BAZ1A: variants seen among roughly 807,000 people sequenced by gnomAD.
BAZ1A encodes bromodomain adjacent to zinc finger domain protein 1A.
In BAZ1A, 50 loss-of-function variants were observed where a neutral mutation model predicts 185.2. That is an observed-to-expected ratio of 0.27 (90% CI 0.22 to 0.34). BAZ1A has a LOEUF of 0.34. Ranked by LOEUF, BAZ1A falls within the 10% of genes least tolerant of loss-of-function variation. The pLI is 1.00. For synonymous variants in BAZ1A, 571 were observed against 615.6 expected (o/e 0.93, Z 1.07); for missense variants, 1,356 against 1,839.9 (o/e 0.74, Z 4.81).
At chr14:34,778,865 A>T (rs1004849495) in intron 17 of BAZ1A, among the ~76,000 whole-genome samples, 1 of 151,886 alleles carries the variant, frequency 6.6e-6, no homozygotes, top group African/African-American at 2.4e-5. Flanking sequence ...TTTTTATTTT[A>T]TTTTTTTGAG....
rs1880944377 is a variant in BAZ1A at position 34,792,911 on chromosome 14, C to T, written c.1374G>A (p.Glu458=). 6.2e-7 allele frequency: 1 copy of T among 1,605,462 alleles called. No homozygotes were observed. The highest frequency in any genetic ancestry group is 2.2e-5 in the East Asian group (1 of 44,784). Residue 458 remains glutamate, a synonymous_variant, in exon 12 of 27, where the codon GAG becomes GAA. Coordinates refer to ENST00000360310, the MANE Select transcript of BAZ1A (RefSeq NM_013448.3). The stretch of plus-strand genomic sequence containing the variant: ...CACTGTCATTTCCTACAAGAGCTTC[C>T]TCTAATACTTCTGTGAATAAAATGT... ...FPDGVTLEVL[E]EALVGNDSEG...
intron 4 of BAZ1A, among the ~76,000 whole-genome samples, chr14:34,816,080 C>CTTTTTTTTTTTTTTT (rs35830800): frequency 6.3e-5 from 5 of 79,426 alleles, no homozygotes; most frequent in Non-Finnish European, 1.1e-4. Flanking sequence ...TATTCCAGAC[C>CTTTTTTTTTTTTTTT]TTTTTTTTTT....
chr14:34,764,617 C>G, intron 23 of BAZ1A, 90 bp downstream of exon 23: 1 of 1,495,042 alleles, frequency 6.7e-7, no homozygotes, highest in Non-Finnish European at 9.0e-7. Context: ...AACTAAGTTA[C>G]AGACCCTAAC....
chr14:34,798,744 GAGA>G (rs1354074980), intron 9 of BAZ1A, among the ~76,000 whole-genome samples: 8 of 152,190 alleles, frequency 5.3e-5, no homozygotes. Context: ...ACAGATGCTG[GAGA>G]AGATGTGGAG....
intron 12 of BAZ1A, among the ~76,000 whole-genome samples, chr14:34,790,414 C>T (rs1416170035): frequency 1.3e-5 from 2 of 152,080 alleles, no homozygotes; most frequent in Admixed American, 6.5e-5. Flanking sequence ...AGTGCAGTGT[C>T]GTGATCTCGG....
At chr14:34,830,528 G>A (rs898267741) in intron 3 of BAZ1A, among the ~76,000 whole-genome samples, 3 of 151,872 alleles carry the variant, frequency 2.0e-5, no homozygotes, top group African/African-American at 7.3e-5. Flanking sequence ...GGGATGGCGG[G>A]GGCAGTGTAA....
Position 34,875,219 on chromosome 14 carries a change from C to T in BAZ1A, c.-140G>A. 1 of 451,494 alleles carries T rather than the reference C, an allele frequency of 2.2e-6. No homozygotes were observed. The highest frequency in any genetic ancestry group is 4.4e-6 in the Non-Finnish European group (1 of 225,078). 28.0% of individuals were successfully genotyped at this position (451,494 alleles called of 1,614,324 possible). ...GAGACCCCGTCCTCCCAGGGGACCG[C>T]CTCTCTCCGGCCCCGCCGCGCCCCT... On this transcript the variant is annotated 5_prime_UTR_variant, in exon 1 of 27. Coordinates refer to ENST00000360310, the MANE Select transcript of BAZ1A (RefSeq NM_013448.3).
intron 16 of BAZ1A, among the ~76,000 whole-genome samples, chr14:34,780,587 GAT>G (rs1879972285): frequency 6.6e-6 from 1 of 152,194 alleles, no homozygotes; most frequent in Admixed American, 6.5e-5. Context: ...TTGAAGAAGT[GAT>G]ATTTTACAAT....
intron 9 of BAZ1A, among the ~76,000 whole-genome samples, chr14:34,797,927 C>A (rs1173165616): frequency 6.6e-6 from 1 of 152,244 alleles, no homozygotes; most frequent in Non-Finnish European, 1.5e-5. Flanking sequence ...CCAAGGGGAG[C>A]CTTGACAGAC....
At chr14:34,781,261 G>A (rs1880018161) in intron 16 of BAZ1A, among the ~76,000 whole-genome samples, 1 of 152,026 alleles carries the variant, frequency 6.6e-6, no homozygotes, top group African/African-American at 2.4e-5. Context: ...TTAAAAAATT[G>A]AGCTTACATA....
intron 3 of BAZ1A, among the ~76,000 whole-genome samples, chr14:34,830,485 T>C (rs746856648): frequency 2.0e-5 from 3 of 147,096 alleles, no homozygotes; most frequent in African/African-American, 5.0e-5. Context: ...AGAGAGAAGA[T>C]AGACAAAGTA....
intron 9 of BAZ1A, among the ~76,000 whole-genome samples, chr14:34,799,955 T>C (rs1437154358): frequency 6.6e-6 from 1 of 152,192 alleles, no homozygotes; most frequent in East Asian, 1.9e-4. Flanking sequence ...AAGGTTTACA[T>C]ATAAACTTTT....
chr14:34,818,796 T>C (rs1483743555), intron 4 of BAZ1A, among the ~76,000 whole-genome samples: 1 of 152,016 alleles, frequency 6.6e-6, no homozygotes, highest in Non-Finnish European at 1.5e-5. Context: ...TTTCTGGACT[T>C]AATAAGGAAT....
chr14:34,848,412 C>A (rs1352399934), intron 3 of BAZ1A, among the ~76,000 whole-genome samples: 1 of 151,976 alleles, frequency 6.6e-6, no homozygotes, highest in Non-Finnish European at 1.5e-5. Flanking sequence ...TCGAGACCAG[C>A]CTGACCAACA....
chr14:34,869,394 CA>C (rs1444171002), intron 2 of BAZ1A, among the ~76,000 whole-genome samples: 1 of 152,054 alleles, frequency 6.6e-6, no homozygotes. Flanking sequence ...CTCATGTTTT[CA>C]AGAGAGAAAG....
At chr14:34,856,989 T>C (rs1218759019) in intron 3 of BAZ1A, among the ~76,000 whole-genome samples, 2 of 151,460 alleles carry the variant, frequency 1.3e-5, no homozygotes, top group East Asian at 3.9e-4. Context: ...CATTACTTCC[T>C]GAGGCTTCTG....
At position 34,807,138 on chromosome 14, in the gene BAZ1A, C is replaced by T. The variant is rs575049171; in HGVS notation, c.726+313G>A. On this transcript the variant is annotated intron_variant, in intron 6 of 26. Transcript: ENST00000360310. ...TTTGAATCTGTCTATTCTTTGTAAG[C>T]GAGAACCACACTATAGGTATTAGGA... Among the ~76,000 whole-genome samples, 12 of 149,882 alleles carry T rather than the reference C, an allele frequency of 8.0e-5. No individual in the cohort carries two copies. In the South Asian group the frequency reaches 1.9e-3, roughly 24 times the overall value.
intron 3 of BAZ1A, 76 bp from the exon 4 acceptor site, chr14:34,826,232 G>T: frequency 6.8e-7 from 1 of 1,463,948 alleles, no homozygotes; most frequent in Non-Finnish European, 9.3e-7. Flanking sequence ...CAATCGAATT[G>T]TTTTGAACTA....
intron 3 of BAZ1A, among the ~76,000 whole-genome samples, chr14:34,846,941 A>G (rs2042522569): frequency 6.6e-6 from 1 of 152,240 alleles, no homozygotes; most frequent in African/African-American, 2.4e-5. Flanking sequence ...CCAAATAACA[A>G]TTTTAAGAAA....
Sources: allele counts gnomAD v4.1 joint callset (sites outside exome capture counted in the v4.1 genomes callset), GRCh38; gene constraint gnomAD v4.1.1; transcripts MANE v1.5; gene names NCBI Gene and HGNC (gene_info 2026-07-23, HGNC 2026-07-21).